The following CLSTN2 variants were observed in gnomAD, a reference collection of about 807,000 sequenced individuals.
The protein encoded by CLSTN2 is calsyntenin-2.
In CLSTN2, 48 loss-of-function variants were observed where a neutral mutation model predicts 101.2. The observed-to-expected ratio is 0.47, with a 90% confidence interval of 0.38 to 0.60. CLSTN2 has a LOEUF of 0.60. CLSTN2 is among the 20% of genes least tolerant of loss of function. The pLI, the probability that CLSTN2 is intolerant of heterozygous loss-of-function variation, is 0.00. For synonymous variants in CLSTN2, 481 were observed against 463.6 expected (o/e 1.04, Z -0.48); for missense variants, 1,160 against 1,238.2 (o/e 0.94, Z 0.95).
intron 1 of CLSTN2, among the ~76,000 whole-genome samples, chr3:140,048,932 C>CAT (rs1284992068): frequency 6.6e-6 from 1 of 152,200 alleles, no homozygotes; most frequent in African/African-American, 2.4e-5. Flanking sequence ...TCACTACCTC[C>CAT]ATTCCCTCCC....
chr3:140,148,873 TG>T (rs1254255121), intron 1 of CLSTN2, among the ~76,000 whole-genome samples: 1 of 152,150 alleles, frequency 6.6e-6, no homozygotes, highest in Admixed American at 6.5e-5. Context: ...GCAATGGCAC[TG>T]GGACTCCAGA....
At chr3:140,553,581 C>T (rs188652274) in intron 10 of CLSTN2, among the ~76,000 whole-genome samples, 3 of 152,304 alleles carry the variant, frequency 2.0e-5, no homozygotes. Flanking sequence ...GATCCCCAAA[C>T]CTCAAGCTTC....
chr3:140,257,817 T>C (rs2086617203), intron 2 of CLSTN2, among the ~76,000 whole-genome samples: 1 of 152,176 alleles, frequency 6.6e-6, no homozygotes, highest in Non-Finnish European at 1.5e-5. Context: ...GGCATTGTCA[T>C]GATTTTTTGT....
chr3:139,978,641 TGGGGGATTGTGTGTG>T (rs1379535864), intron 1 of CLSTN2, among the ~76,000 whole-genome samples: 18 of 126,260 alleles, frequency 1.4e-4, no homozygotes, highest in African/African-American at 4.1e-4. Flanking sequence ...GGATGGGGGA[TGGGGGATTGTGTGTG>T]TGTGTGTGTG....
intron 2 of CLSTN2, among the ~76,000 whole-genome samples, chr3:140,321,975 G>A (rs145649723): frequency 1.5e-3 from 227 of 152,280 alleles, no homozygotes; most frequent in African/African-American, 5.3e-3. Context: ...TGGCTGCAGG[G>A]CAGATGCCAA....
At chr3:140,197,037 G>A (rs2010654582) in intron 2 of CLSTN2, among the ~76,000 whole-genome samples, 1 of 152,214 alleles carries the variant, frequency 6.6e-6, no homozygotes, top group Non-Finnish European at 1.5e-5. Context: ...TGGAGATAAG[G>A]AAGCTTAAAG....
chr3:140,219,683 C>T (rs1010152293), intron 2 of CLSTN2, among the ~76,000 whole-genome samples: 2 of 152,192 alleles, frequency 1.3e-5, no homozygotes, highest in Non-Finnish European at 2.9e-5. Context: ...GCAGATTCAG[C>T]TGTGGAATTG....
intron 1 of CLSTN2, among the ~76,000 whole-genome samples, chr3:139,997,063 A>G (rs561876145): frequency 2.1e-5 from 2 of 96,766 alleles, no homozygotes; most frequent in East Asian, 3.6e-4. Flanking sequence ...AAAAAAAAAA[A>G]AAAGAAAAGG....
chr3:140,137,914 C>T (rs571117794), intron 1 of CLSTN2, among the ~76,000 whole-genome samples: 12 of 152,272 alleles, frequency 7.9e-5, no homozygotes, highest in African/African-American at 1.7e-4. Context: ...CAAACGCTTT[C>T]GCCTTCCCTA....
chr3:140,100,716 A>T (rs1355013645), intron 1 of CLSTN2, among the ~76,000 whole-genome samples: 1 of 152,226 alleles, frequency 6.6e-6, no homozygotes, highest in Non-Finnish European at 1.5e-5. Flanking sequence ...AATTTCACGC[A>T]TGTGTACAGC....
intron 4 of CLSTN2, among the ~76,000 whole-genome samples, chr3:140,405,945 C>T (rs6790656): frequency 0.14 from 20,708 of 152,124 alleles, 1,806 homozygotes; most frequent in African/African-American, 0.25. Context: ...TTATTGAGTG[C>T]CAGGCATGGT....
At chr3:140,521,662 A>G in intron 8 of CLSTN2, among the ~76,000 whole-genome samples, 1 of 152,202 alleles carries the variant, frequency 6.6e-6, no homozygotes, top group East Asian at 1.9e-4. Context: ...GCTGTGCTGC[A>G]TTGTGGGGGA....
intron 2 of CLSTN2, among the ~76,000 whole-genome samples, chr3:140,214,210 C>T (rs1419399049): frequency 6.6e-6 from 1 of 151,950 alleles, no homozygotes; most frequent in Non-Finnish European, 1.5e-5. Flanking sequence ...GTGGCTGAGG[C>T]AGACGGATCA....
At chr3:139,956,390 A>G (rs1380563355) in intron 1 of CLSTN2, among the ~76,000 whole-genome samples, 1 of 152,176 alleles carries the variant, frequency 6.6e-6, no homozygotes, top group Non-Finnish European at 1.5e-5. Flanking sequence ...GGCTTGACAG[A>G]GAGGCCACCA....
chr3:140,495,050 C>A (rs1934435601), intron 8 of CLSTN2, among the ~76,000 whole-genome samples: 1 of 152,206 alleles, frequency 6.6e-6, no homozygotes, highest in East Asian at 1.9e-4. Flanking sequence ...CTGTCTTCCA[C>A]AATGGTTGAA....
chr3:140,487,394 A>G (rs958254633), intron 8 of CLSTN2, among the ~76,000 whole-genome samples: 7 of 152,252 alleles, frequency 4.6e-5, no homozygotes, highest in African/African-American at 1.7e-4. Flanking sequence ...AGCCCAATAG[A>G]GGCTTTCCTG....
chr3:140,319,664 T>C (rs1005014337), intron 2 of CLSTN2, among the ~76,000 whole-genome samples: 4 of 152,204 alleles, frequency 2.6e-5, no homozygotes, highest in Non-Finnish European at 5.9e-5. Flanking sequence ...ACAGGTACCA[T>C]GATAAGAGGT....
At chr3:140,173,632 G>T (rs1323354410) in intron 1 of CLSTN2, among the ~76,000 whole-genome samples, 1 of 152,226 alleles carries the variant, frequency 6.6e-6, no homozygotes, top group Non-Finnish European at 1.5e-5. Context: ...TTTTGCCTGG[G>T]CATCCAGGCA....
At chr3:140,286,281 A>C (rs963901499) in intron 2 of CLSTN2, among the ~76,000 whole-genome samples, 2 of 152,112 alleles carry the variant, frequency 1.3e-5, no homozygotes, top group Non-Finnish European at 2.9e-5. Context: ...GTTTTCCGTC[A>C]TTGATAGGTG....
Sources: allele counts gnomAD v4.1 joint callset (sites outside exome capture counted in the v4.1 genomes callset), GRCh38; gene constraint gnomAD v4.1.1; transcripts MANE v1.5; gene names NCBI Gene and HGNC (gene_info 2026-07-23, HGNC 2026-07-21).